The following ZNF487 variants were observed in gnomAD, a reference collection of about 807,000 sequenced individuals.
ZNF487 encodes zinc finger protein 487.
A neutral mutation model predicts 3.0 loss-of-function variants in ZNF487; 4 were observed. The observed-to-expected ratio is 1.35, with a 90% confidence interval of 0.66 to 3.08. The LOEUF (loss-of-function observed/expected upper bound fraction) is 3.08, where lower values mean the gene tolerates loss of function less well. Ranked by LOEUF, ZNF487 falls within the 30% of genes most tolerant of loss-of-function variation. The pLI is 0.01. For synonymous variants in ZNF487, 55 were observed against 34.6 expected (o/e 1.59, Z -2.06); for missense variants, 146 against 98.7 (o/e 1.48, Z -2.03).
At chr10:43,461,471 C>T (rs538511380) in intron 1 of ZNF487, among the ~76,000 whole-genome samples, 5 of 152,042 alleles carry the variant, frequency 3.3e-5, no homozygotes, top group Non-Finnish European at 5.9e-5. Flanking sequence ...AGGCATGTAC[C>T]ATAATGCCTG....
chr10:43,457,116 G>T (rs1032402532), intron 1 of ZNF487, among the ~76,000 whole-genome samples: 13 of 152,246 alleles, frequency 8.5e-5, no homozygotes, highest in Middle Eastern at 3.4e-3. Context: ...GAATGTCCAG[G>T]TCATCCCATT....
At chr10:43,503,259 A>G in the ZNF487 span, among the ~76,000 whole-genome samples, 4 of 152,160 alleles carry the variant, frequency 2.6e-5, no homozygotes, top group Non-Finnish European at 5.9e-5. Context: ...TTTTAATGAA[A>G]CATTTAAAAA....
chr10:43,521,943 A>G, the ZNF487 span, among the ~76,000 whole-genome samples: 69 of 152,232 alleles, frequency 4.5e-4, no homozygotes, highest in Middle Eastern at 3.4e-3. Context: ...GAGGTACAAG[A>G]CTGTTTATGA....
At chr10:43,518,149 G>A in the ZNF487 span, among the ~76,000 whole-genome samples, 1 of 152,108 alleles carries the variant, frequency 6.6e-6, no homozygotes, top group South Asian at 2.1e-4. Context: ...CAAAGTAACA[G>A]GTGTCAAGGC....
intron 1 of ZNF487, among the ~76,000 whole-genome samples, chr10:43,470,996 T>C (rs914458568): frequency 1.3e-5 from 2 of 152,140 alleles, no homozygotes; most frequent in Non-Finnish European, 2.9e-5. Flanking sequence ...CTAATTTTTG[T>C]ATTTTTTTGT....
the ZNF487 span, among the ~76,000 whole-genome samples, chr10:43,490,983 C>CTTT: frequency 5.3e-5 from 7 of 132,526 alleles, no homozygotes; most frequent in Non-Finnish European, 7.7e-5. Context: ...CTTTTTTTTT[C>CTTT]TTTTTTTTTT....
At chr10:43,442,272 A>C (rs1162457218) in intron 1 of ZNF487, among the ~76,000 whole-genome samples, 1 of 151,038 alleles carries the variant, frequency 6.6e-6, no homozygotes, top group Non-Finnish European at 1.5e-5. Flanking sequence ...CAACAACAAA[A>C]AAAAAACAAA....
chr10:43,478,656 C>T lies in ZNF487; in HGVS notation c.130+2454C>T, dbSNP rs540707719. ...ATCGCTTGAGCCCAGGAGTTTGAAG[C>T]TGCAGTGAGCTATGATCATGCCACT... On this transcript the variant is annotated intron_variant, in intron 3 of 3. Coordinates refer to ENST00000437590, the MANE Select transcript of ZNF487 (RefSeq NM_001355444.3). 3.3e-5 allele frequency among the ~76,000 whole-genome samples: 5 copies of T among 152,250 alleles called. No individual in the cohort carries two copies. In the South Asian group the frequency reaches 1.0e-3, roughly 32 times the overall value.
chr10:43,452,856 T>C (rs967649533), intron 1 of ZNF487: 5 of 152,114 alleles, frequency 3.3e-5, no homozygotes, highest in African/African-American at 1.2e-4. Flanking sequence ...TAACATTTTA[T>C]TCAGTAACCA....
At chr10:43,472,198 CTT>C (rs1840931198) in intron 1 of ZNF487, among the ~76,000 whole-genome samples, 1 of 152,080 alleles carries the variant, frequency 6.6e-6, no homozygotes, top group South Asian at 2.1e-4. Flanking sequence ...CCTTCTTACA[CTT>C]TGGATGCATA....
the ZNF487 span, among the ~76,000 whole-genome samples, chr10:43,503,993 A>G: frequency 6.6e-6 from 1 of 152,184 alleles, no homozygotes; most frequent in Non-Finnish European, 1.5e-5. Flanking sequence ...ACTTGCCTAC[A>G]GTATTCAGTA....
chr10:43,487,209 A>C (rs1252633766), downstream of ZNF487, among the ~76,000 whole-genome samples: 1 of 135,548 alleles, frequency 7.4e-6, no homozygotes. Flanking sequence ...GCACGATCTC[A>C]GCTCACTGCA....
chr10:43,456,728 G>A (rs1343619433), intron 1 of ZNF487, among the ~76,000 whole-genome samples: 1 of 151,972 alleles, frequency 6.6e-6, no homozygotes, highest in Non-Finnish European at 1.5e-5. Context: ...TTACAGGTGC[G>A]CGACACCATG....
At chr10:43,515,401 G>A in the ZNF487 span, among the ~76,000 whole-genome samples, 1 of 152,168 alleles carries the variant, frequency 6.6e-6, no homozygotes, top group Admixed American at 6.5e-5. Flanking sequence ...AAGGTGGAAA[G>A]GCTGATGGCA....
intron 1 of ZNF487, among the ~76,000 whole-genome samples, chr10:43,444,978 A>C (rs1292350414): frequency 1.3e-5 from 2 of 152,106 alleles, no homozygotes. Flanking sequence ...TGTATATCTT[A>C]GGCTGCTTTA....
At chr10:43,443,009 A>AT (rs907357880) in intron 1 of ZNF487, among the ~76,000 whole-genome samples, 2 of 144,972 alleles carry the variant, frequency 1.4e-5, no homozygotes, top group African/African-American at 5.1e-5. Flanking sequence ...AATACAGTTG[A>AT]TTTTTTAGTT....
At chr10:43,447,676 T>C (rs1015071961) in intron 1 of ZNF487, among the ~76,000 whole-genome samples, 6 of 152,190 alleles carry the variant, frequency 3.9e-5, no homozygotes, top group Non-Finnish European at 7.3e-5. Context: ...CTTATACTCA[T>C]GTACTGATCA....
chr10:43,510,301 GT>G, the ZNF487 span, among the ~76,000 whole-genome samples: 2 of 152,128 alleles, frequency 1.3e-5, no homozygotes, highest in African/African-American at 4.8e-5. Flanking sequence ...GCAGGTCATG[GT>G]TTTTTTCCTG....
the ZNF487 span, chr10:43,523,694 T>C: frequency 6.6e-6 from 1 of 152,462 alleles, no homozygotes; most frequent in Non-Finnish European, 1.5e-5. Context: ...CAGCCTTCAG[T>C]ACCCATAAGA....
Sources: allele counts gnomAD v4.1 joint callset (sites outside exome capture counted in the v4.1 genomes callset), GRCh38; gene constraint gnomAD v4.1.1; transcripts MANE v1.5; gene names NCBI Gene and HGNC (gene_info 2026-07-23, HGNC 2026-07-21).